Variants in KBTBD8 observed in about 807,000 individuals in gnomAD.
The protein encoded by KBTBD8 is kelch repeat and BTB domain containing 8.
In KBTBD8, 31 loss-of-function variants were observed where a neutral mutation model predicts 53.5. That is an observed-to-expected ratio of 0.58 (90% CI 0.44 to 0.78). The LOEUF (loss-of-function observed/expected upper bound fraction) is 0.78, where lower values mean the gene tolerates loss of function less well. Ranked by LOEUF, KBTBD8 falls within the 30% of genes least tolerant of loss-of-function variation. The pLI is 0.00. For synonymous variants in KBTBD8, 250 were observed against 247.3 expected (o/e 1.01, Z -0.10); for missense variants, 642 against 735.8 (o/e 0.87, Z 1.48).
At chr3:67,006,657 G>A (rs564882090) in intron 3 of KBTBD8, among the ~76,000 whole-genome samples, 1 of 152,172 alleles carries the variant, frequency 6.6e-6, no homozygotes, top group Non-Finnish European at 1.5e-5. Context: ...TCACTGTTAC[G>A]AAGTACGTAG....
In KBTBD8 at chr3:67,008,399, C is replaced by A; in HGVS notation, c.*14C>A. ...AAAGTACTCTAAATGAGTAGCAGGCCTTAGTGCATCACTGGCATCTCATTC... is the reference window on the plus strand; with the variant it reads ...AAAGTACTCTAAATGAGTAGCAGGCATTAGTGCATCACTGGCATCTCATTC... On this transcript the variant is annotated 3_prime_UTR_variant, in exon 4 of 4. Coordinates refer to ENST00000417314, the MANE Select transcript of KBTBD8 (RefSeq NM_032505.3). 1.3e-6 allele frequency: 2 copies of A among 1,516,982 alleles called. No homozygotes were observed. Among genetic ancestry groups the A allele is most frequent in the South Asian group, 1.1e-5 (1 of 86,966 alleles). 94.0% of individuals were successfully genotyped at this position (1,516,982 alleles called of 1,614,324 possible).
At position 67,008,062 on chromosome 3, in the gene KBTBD8, C is replaced by G. The variant is rs775008928; in HGVS notation, c.1483C>G (p.Arg495Gly). 1.2e-6 allele frequency: 2 copies of G among 1,613,988 alleles called. No individual in the cohort carries two copies. Among genetic ancestry groups the G allele is most frequent in the Non-Finnish European group, 1.7e-6 (2 of 1,179,954 alleles). ...YIAGTCGNHQ[R>G]MFTVEAYDIE... ...AGCTGGAACCTGTGGAAATCATCAA[C>G]GTATGTTTACTGTAGAAGCCTATGA... Residue 495 changes from arginine (R) to glycine (G), a missense_variant, in exon 4 of 4, where the codon CGT becomes GGT. Physicochemically the swap from Arg to Gly is moderately radical, Grantham distance 125 (BLOSUM62 -2). Transcript: ENST00000417314.
In KBTBD8 at chr3:67,004,080, A is replaced by C; in HGVS notation, c.1113A>C (p.Leu371=). The change falls in exon 3 of 4, where the codon CTA becomes CTC. Residue 371 remains leucine (L), a synonymous_variant. Transcript: ENST00000417314. The part of the protein sequence containing the change: ...WMYDHSTNRW[L]SKPSLLRARI... ...ATGATCATTCCACCAATAGATGGCT[A>C]TCCAAACCATCCTTGCTTCGAGCCA... The C allele has an allele frequency of 1.2e-6, 2 of 1,614,156 alleles. No individual in the cohort carries two copies. Among genetic ancestry groups the C allele is most frequent in the East Asian group, 2.2e-5 (1 of 44,876 alleles).
At chr3:67,005,375 G>T (rs578232130) in intron 3 of KBTBD8, among the ~76,000 whole-genome samples, 15 of 152,236 alleles carry the variant, frequency 9.9e-5, no homozygotes, top group South Asian at 2.1e-4. Context: ...TACTGTACTT[G>T]TTCCATGTTT....
intron 2 of KBTBD8, among the ~76,000 whole-genome samples, chr3:67,000,734 C>CA (rs1379159381): frequency 6.6e-6 from 1 of 151,858 alleles, no homozygotes; most frequent in Admixed American, 6.6e-5. Context: ...CAAAACAAAA[C>CA]AAAACAAAAA....
Position 66,998,982 on chromosome 3 carries a change from T to C in KBTBD8, c.18T>C (p.Asp6=). 3 of 1,594,684 alleles carry C rather than the reference T, an allele frequency of 1.9e-6. No homozygotes were observed. The South Asian group carries it at 3.4e-5, about 18-fold the overall frequency. Reference sequence around the variant, plus strand: ...GTTGTACGATTTTTCTCCTCCTAGATTTAAGTAAGTCTTCCCCAACACCGA... The same window carrying C: ...GTTGTACGATTTTTCTCCTCCTAGACTTAAGTAAGTCTTCCCCAACACCGA... MAASA[D]LSKSSPTPNG... Residue 6 remains aspartate (D), a splice_region_variant and synonymous_variant, in exon 2 of 4, where the codon GAT becomes GAC. Coordinates refer to ENST00000417314, the MANE Select transcript of KBTBD8 (RefSeq NM_032505.3).
intron 1 of KBTBD8, 104 bp from the exon 2 acceptor site, chr3:66,998,877 T>C: frequency 9.3e-6 from 8 of 858,820 alleles, no homozygotes; most frequent in South Asian, 4.6e-5. Context: ...GTATATATCT[T>C]GTAGGGGGAA....
rs988969693 is a variant in KBTBD8 at position 67,010,419 on chromosome 3, G to C, written c.*2034G>C. 2.6e-5 allele frequency: 4 copies of C among 152,544 alleles called. No homozygotes were observed. Among genetic ancestry groups the C allele is most frequent in the African/African-American group, 9.7e-5 (4 of 41,426 alleles). 9.4% of individuals were successfully genotyped at this position (152,544 alleles called of 1,614,324 possible). A position where few individuals can be genotyped will look rare whatever the true frequency, so the allele number is the denominator to read the frequency against. On this transcript the variant is annotated 3_prime_UTR_variant, in exon 4 of 4. Coordinates refer to ENST00000417314, the MANE Select transcript of KBTBD8 (RefSeq NM_032505.3). ...ATTGAGTTAGCAATTTACATGGGCT[G>C]TATGTTATATAAGAGAATGACATAC...
Position 67,011,062 on chromosome 3 carries a change from A to G in KBTBD8, c.*2677A>G, listed in dbSNP as rs553370783. ...GTAAAGCAGTTTAAAATGGAATTCA[A>G]TGTTCAGTGCTCAGGTATGTAGTAA... is the stretch of plus-strand genomic sequence containing the variant. On this transcript the variant is annotated 3_prime_UTR_variant, in exon 4 of 4. Transcript: ENST00000417314. 6.5e-6 allele frequency: 1 copy of G among 152,762 alleles called. No homozygotes were observed. The highest frequency in any genetic ancestry group is 1.5e-5 in the Non-Finnish European group (1 of 68,020). The allele number at this position is 152,762 out of a possible 1,614,324, so 9.5% of individuals were successfully genotyped here. A position where few individuals can be genotyped will look rare whatever the true frequency, so the allele number is the denominator to read the frequency against.
At chr3:67,007,448 AGCTG>A (rs1483078149) in intron 3 of KBTBD8, among the ~76,000 whole-genome samples, 2 of 151,208 alleles carry the variant, frequency 1.3e-5, no homozygotes, top group Non-Finnish European at 2.9e-5. Flanking sequence ...CCTCCTGAGT[AGCTG>A]GAATTACAGG....
rs1559556543 is a variant in KBTBD8 at position 67,003,617 on chromosome 3, TTATAAG to T, written c.651_656del (p.Ile217_Arg219delinsMet). 6.2e-7 allele frequency: 1 copy of T among 1,614,092 alleles called. No individual in the cohort carries two copies. The highest frequency in any genetic ancestry group is 8.5e-7 in the Non-Finnish European group (1 of 1,179,982). Reference sequence around the variant, plus strand: ...CGAGAAGAGCATGTTTATGAAAGCATTATAAGGTGGTTTGAGCATGAACAGAATGAA... The same window carrying T: ...CGAGAAGAGCATGTTTATGAAAGCATGTGGTTTGAGCATGAACAGAATGAA... On this transcript the variant is annotated inframe_deletion, in exon 3 of 4. Coordinates refer to ENST00000417314, the MANE Select transcript of KBTBD8 (RefSeq NM_032505.3).
intron 2 of KBTBD8, 104 bp from the exon 3 acceptor site, chr3:67,003,091 G>C (rs73836458): frequency 8.5e-7 from 1 of 1,169,704 alleles, no homozygotes; most frequent in African/African-American, 1.5e-5. Context: ...GAAATATTCT[G>C]TTTCAAAAGG....
At position 67,003,228 on chromosome 3, in the gene KBTBD8, T is replaced by A; in HGVS notation, c.261T>A (p.Thr87=). Reference sequence around the variant, plus strand: ...TCACTAGCGGCCTTACAGAAAGTACTCAAAAAGAAGTTCGAATAGTTGGTG... The same window carrying A: ...TCACTAGCGGCCTTACAGAAAGTACACAAAAAGAAGTTCGAATAGTTGGTG... The part of the protein sequence containing the change: ...SMFTSGLTES[T]QKEVRIVGVE... Residue 87 remains threonine (T), a synonymous_variant, in exon 3 of 4, where the codon ACT becomes ACA. Transcript: ENST00000417314. The A allele has an allele frequency of 1.2e-6, 2 of 1,613,848 alleles. No homozygotes were observed. Among genetic ancestry groups the A allele is most frequent in the Non-Finnish European group, 1.7e-6 (2 of 1,179,708 alleles).
intron 2 of KBTBD8, 130 bp downstream of exon 2, chr3:66,999,321 G>A: frequency 1.3e-6 from 1 of 769,166 alleles, no homozygotes; most frequent in Non-Finnish European, 2.2e-6. Context: ...CTTGAGACTA[G>A]AAAACAAGTC....
At chr3:66,998,939 G>A (rs1472002308) in intron 1 of KBTBD8, 42 bp from the exon 2 acceptor site, 5 of 1,467,178 alleles carry the variant, frequency 3.4e-6, no homozygotes, top group Non-Finnish European at 4.7e-6. Flanking sequence ...TGCCGTAACT[G>A]GCTCGGCACT....
chr3:67,003,443 C>T lies in KBTBD8; in HGVS notation c.476C>T (p.Ala159Val). The T allele has an allele frequency of 6.2e-7, 1 of 1,614,104 alleles. No homozygotes were observed. The highest frequency in any genetic ancestry group is 8.5e-7 in the Non-Finnish European group (1 of 1,179,988). ...PQNSIGVFIF[A>V]DHYGHQELGD... is the part of the protein sequence containing the mutation. ...AATTCTATTGGGGTCTTTATCTTTG[C>T]TGATCATTATGGTCATCAGGAACTC... Residue 159 changes from alanine to valine, a missense_variant, in exon 3 of 4, where the codon GCT (alanine) becomes GTT (valine). Coordinates refer to ENST00000417314, the MANE Select transcript of KBTBD8 (RefSeq NM_032505.3).
At chr3:67,000,184 G>A (rs1010916076) in intron 2 of KBTBD8, among the ~76,000 whole-genome samples, 2 of 152,130 alleles carry the variant, frequency 1.3e-5, no homozygotes, top group African/African-American at 4.8e-5. Flanking sequence ...TCAGAATACT[G>A]GGTTAAATAT....
At chr3:67,000,286 G>A (rs140189494) in intron 2 of KBTBD8, among the ~76,000 whole-genome samples, 240 of 152,216 alleles carry the variant, frequency 1.6e-3, no homozygotes, top group African/African-American at 5.0e-3. Flanking sequence ...GCAAGACAGT[G>A]AGCTGGAAAG....
chr3:67,004,603 G>A (rs564566621), intron 3 of KBTBD8, among the ~76,000 whole-genome samples: 14 of 152,162 alleles, frequency 9.2e-5, no homozygotes, highest in East Asian at 1.9e-4. Flanking sequence ...ATAATAGTTC[G>A]GCATTTTGGG....
Sources: gnomAD v4.1 joint callset for allele counts (sites outside exome capture counted in the v4.1 genomes callset) on GRCh38, gnomAD v4.1.1 for gene constraint, MANE v1.5 for transcripts, NCBI Gene and HGNC (gene_info 2026-07-23, HGNC 2026-07-21) for gene names.